SLIT1: variants seen among roughly 807,000 people sequenced by gnomAD.
The protein encoded by SLIT1 is slit homolog 1 protein.
SLIT1 carries 66 observed loss-of-function variants against 186.1 expected under a neutral mutation model. That is an observed-to-expected ratio of 0.35 (90% CI 0.29 to 0.44). The LOEUF (loss-of-function observed/expected upper bound fraction) is 0.44. Among genes scored for constraint, SLIT1 ranks in the 20% least tolerant of loss-of-function variants. SLIT1 has a pLI of 1.00. For missense variants in SLIT1, 1,638 were observed against 2,037.4 expected (o/e 0.80, Z 3.77); for synonymous variants, 761 against 833.8 (o/e 0.91, Z 1.50).
chr10:97,126,075 C>A (rs1485141934), intron 4 of SLIT1, among the ~76,000 whole-genome samples: 1 of 152,254 alleles, frequency 6.6e-6, no homozygotes, highest in African/African-American at 2.4e-5. Context: ...GGGAAGGGGA[C>A]GTCGAGATCT....
At chr10:97,060,886 G>A (rs1345043991) in intron 8 of SLIT1, 99 bp from the exon 9 acceptor site, 3 of 1,299,428 alleles carry the variant, frequency 2.3e-6, no homozygotes, top group Non-Finnish European at 3.1e-6. Flanking sequence ...TACACTGGCA[G>A]TTTCTCTCGA....
intron 3 of SLIT1, among the ~76,000 whole-genome samples, chr10:97,161,819 G>GCT (rs1290345105): frequency 1.3e-5 from 2 of 152,228 alleles, no homozygotes; most frequent in African/African-American, 2.4e-5. Context: ...TTCATTAAGA[G>GCT]CTCAGACTTT....
chr10:97,037,048 T>TGTG (rs1231769870), intron 22 of SLIT1, among the ~76,000 whole-genome samples: 27 of 116,946 alleles, frequency 2.3e-4, no homozygotes, highest in African/African-American at 3.1e-4. Context: ...ATAACCCCCT[T>TGTG]TGTGTGTGTG....
intron 4 of SLIT1, among the ~76,000 whole-genome samples, chr10:97,104,200 G>A (rs1849389912): frequency 6.6e-6 from 1 of 152,118 alleles, no homozygotes; most frequent in Non-Finnish European, 1.5e-5. Context: ...AAGGGAGTGA[G>A]CCCCATGGGT....
At chr10:97,057,185 C>G in intron 12 of SLIT1, 25 bp downstream of exon 12, 1 of 1,601,686 alleles carries the variant, frequency 6.2e-7, no homozygotes, top group East Asian at 2.2e-5. Context: ...GGGTCCCACC[C>G]AAGACACCCA....
Position 97,006,388 on chromosome 10 carries a change from C to T in SLIT1, c.3579+95G>A. On this transcript the variant is annotated intron_variant, in intron 32 of 36. Transcript: ENST00000266058. The surrounding 1 kb of genome is among the most constrained non-coding windows in gnomAD (Gnocchi z 4.0). ...ATTACACAGAGTCCTTCCAGTTCCC[C>T]AGGCACCATGCAGGGATGTATCCTG... 1 of 819,462 alleles carries T rather than the reference C, an allele frequency of 1.2e-6. No homozygotes were observed. The highest frequency in any genetic ancestry group is 1.6e-5 in the South Asian group (1 of 62,370). 50.8% of individuals were successfully genotyped at this position (819,462 alleles called of 1,614,324 possible).
At chr10:97,058,187 C>A in intron 11 of SLIT1, 1 of 651,390 alleles carries the variant, frequency 1.5e-6, no homozygotes, top group Non-Finnish European at 2.8e-6. Flanking sequence ...GCATCAGATT[C>A]CCATTTCAGA....
At chr10:97,048,877 AG>A in intron 14 of SLIT1, 77 bp downstream of exon 14, 3 of 1,468,208 alleles carry the variant, frequency 2.0e-6, no homozygotes, top group Non-Finnish European at 9.3e-7. Flanking sequence ...GCAGGTATGC[AG>A]GTGGACAAGT....
chr10:97,000,437 C>CTT lies in SLIT1; in HGVS notation c.*673_*674dup, dbSNP rs1182127209. The CTT allele has an allele frequency of 1.3e-5, 2 of 152,494 alleles. No homozygotes were observed. The highest frequency in any genetic ancestry group is 3.9e-4 in the East Asian group (2 of 5,186). 9.4% of individuals were successfully genotyped at this position (152,494 alleles called of 1,614,324 possible). On this transcript the variant is annotated 3_prime_UTR_variant, in exon 37 of 37. Coordinates refer to ENST00000266058, the MANE Select transcript of SLIT1 (RefSeq NM_003061.3). ...CGCAGCTACAGTAGTCATGCTAGAA[C>CTT]TTTAGGATTCAGAGGCCTGGTCCTA... is the stretch of plus-strand genomic sequence containing the variant.
intron 1 of SLIT1, among the ~76,000 whole-genome samples, chr10:97,173,611 G>A (rs373182331): frequency 5.3e-5 from 8 of 151,792 alleles, no homozygotes; most frequent in African/African-American, 1.9e-4. Flanking sequence ...TGGGGGTGAC[G>A]AGGATCTGAG....
In SLIT1 at chr10:97,185,551, C is replaced by G. The variant is rs758357300; in HGVS notation, c.124G>C (p.Gly42Arg). 48 of 1,611,334 alleles carry G rather than the reference C, an allele frequency of 3.0e-5. No individual in the cohort carries two copies. Among genetic ancestry groups the G allele is most frequent in the Non-Finnish European group, 4.1e-5 (48 of 1,179,414 alleles). The change falls in exon 1 of 37, where the codon GGA becomes CGA. Residue 42 changes from glycine to arginine, a missense_variant. Around this residue, in one of 3 missense-constraint regions of SLIT1, gnomAD observed 1,245 missense variants for 1,535.3 expected, o/e 0.81. Transcript: ENST00000266058. ...GTGCCGTGGCAGTCCACCGTGGTTC[C>G]GGTGCAGGTGCAGAGGGCGGGGCAC... Reference protein sequence around the residue: ...SACPALCTCTGTTVDCHGTGL... With the variant: ...SACPALCTCTRTTVDCHGTGL...
At chr10:97,030,896 G>A in intron 24 of SLIT1, 68 bp from the exon 25 acceptor site, 2 of 1,367,744 alleles carry the variant, frequency 1.5e-6, no homozygotes, top group African/African-American at 2.9e-5. Context: ...GGAGGGAGAG[G>A]CCCAGCCCTC....
intron 11 of SLIT1, chr10:97,057,988 T>C (rs1438446742): frequency 2.8e-6 from 2 of 717,366 alleles, no homozygotes; most frequent in Non-Finnish European, 5.2e-6. Context: ...TCCTGGGTAC[T>C]TCCTCTTCAA....
chr10:97,148,972 T>C (rs376416460), intron 4 of SLIT1, among the ~76,000 whole-genome samples: 16 of 152,358 alleles, frequency 1.1e-4, no homozygotes, highest in Admixed American at 7.8e-4. Context: ...TTCATGCCTT[T>C]GAGCCCCTGT....
At chr10:97,065,730 AATGG>A (rs1479235882) in intron 5 of SLIT1, 10 of 360,032 alleles carry the variant, frequency 2.8e-5, no homozygotes, top group Non-Finnish European at 5.2e-5. Flanking sequence ...GTGCCACCTA[AATGG>A]ACTGAGAACA....
intron 4 of SLIT1, among the ~76,000 whole-genome samples, chr10:97,147,574 G>T (rs1849831504): frequency 6.6e-6 from 1 of 151,906 alleles, no homozygotes; most frequent in Non-Finnish European, 1.5e-5. Context: ...GGAGACCCAG[G>T]TGAGGCAGAG....
At chr10:97,064,262 A>G in intron 6 of SLIT1, 23 bp from the exon 7 acceptor site, 1 of 1,598,856 alleles carries the variant, frequency 6.3e-7, no homozygotes, top group Non-Finnish European at 8.6e-7. Context: ...AACCAGAGTC[A>G]TTTAGCACCT....
At chr10:97,164,339 G>A (rs1288714779) in intron 2 of SLIT1, among the ~76,000 whole-genome samples, 5 of 152,160 alleles carry the variant, frequency 3.3e-5, no homozygotes, top group Non-Finnish European at 7.4e-5. Context: ...CCAAAAGCCT[G>A]AAGTGTGAGA....
chr10:97,085,124 C>T (rs570360720), intron 4 of SLIT1, among the ~76,000 whole-genome samples: 6 of 151,930 alleles, frequency 3.9e-5, no homozygotes, highest in African/African-American at 1.4e-4. Context: ...AGGTTTTCAC[C>T]GTGTTAGCCA....
Sources: allele counts gnomAD v4.1 joint callset (sites outside exome capture counted in the v4.1 genomes callset), GRCh38; gene constraint gnomAD v4.1.1; regional missense constraint gnomAD v4.1.1; non-coding constraint Gnocchi (gnomAD v3.1); transcripts MANE v1.5; gene names NCBI Gene and HGNC (gene_info 2026-07-23, HGNC 2026-07-21).